The following CCDC85A variants were observed in gnomAD, a reference collection of about 807,000 sequenced individuals.
CCDC85A encodes coiled-coil domain-containing protein 85A.
In CCDC85A, 38 loss-of-function variants were observed where a neutral mutation model predicts 50.2. That is an observed-to-expected ratio of 0.76 (90% CI 0.58 to 0.99). CCDC85A has a LOEUF of 0.99. Ranked by LOEUF, CCDC85A falls within the 50% of genes least tolerant of loss-of-function variation. The pLI is 0.00. For synonymous variants in CCDC85A, 366 were observed against 301.4 expected (o/e 1.21, Z -2.22); for missense variants, 820 against 742.0 (o/e 1.11, Z -1.22).
At chr2:56,267,910 GT>G (rs1670523923) in intron 2 of CCDC85A, among the ~76,000 whole-genome samples, 1 of 152,198 alleles carries the variant, frequency 6.6e-6, no homozygotes, top group South Asian at 2.1e-4. Flanking sequence ...TTGGTGTGAA[GT>G]TTGGTAGGCT....
chr2:56,250,784 A>T (rs1669719062), intron 2 of CCDC85A, among the ~76,000 whole-genome samples: 1 of 152,194 alleles, frequency 6.6e-6, no homozygotes, highest in Non-Finnish European at 1.5e-5. Flanking sequence ...ATCATTTGTC[A>T]TTGCTAGAGT....
At chr2:56,226,540 A>G (rs1039622344) in intron 2 of CCDC85A, among the ~76,000 whole-genome samples, 2 of 151,912 alleles carry the variant, frequency 1.3e-5, no homozygotes, top group Non-Finnish European at 2.9e-5. Flanking sequence ...CCTCCTTTCA[A>G]CTAAAACTGC....
At chr2:56,244,365 G>A (rs150690166) in intron 2 of CCDC85A, among the ~76,000 whole-genome samples, 12 of 152,156 alleles carry the variant, frequency 7.9e-5, no homozygotes, top group Non-Finnish European at 1.5e-4. Flanking sequence ...CCCGTGGGAA[G>A]TACTGCCAGG....
chr2:56,320,278 T>C (rs1029195865), intron 2 of CCDC85A, among the ~76,000 whole-genome samples: 3 of 151,880 alleles, frequency 2.0e-5, no homozygotes, highest in Non-Finnish European at 4.4e-5. Flanking sequence ...AGGCAAGACA[T>C]AACTAAGATC....
chr2:56,298,236 A>G (rs112546332), intron 2 of CCDC85A, among the ~76,000 whole-genome samples: 9 of 152,310 alleles, frequency 5.9e-5, no homozygotes, highest in African/African-American at 1.9e-4. Context: ...AATGCGCGGG[A>G]CTGAAATGAT....
At chr2:56,308,730 A>G (rs1029050058) in intron 2 of CCDC85A, among the ~76,000 whole-genome samples, 2 of 152,192 alleles carry the variant, frequency 1.3e-5, no homozygotes, top group African/African-American at 2.4e-5. Flanking sequence ...ATATGTATTG[A>G]AAGTCCACCT....
rs371995268 is a variant in CCDC85A at position 56,375,710 on chromosome 2, C to A, written c.1453-106C>A. On this transcript the variant is annotated intron_variant, in intron 4 of 5. Transcript: ENST00000407595. ...TGTAGACTAGGTTAGGAAAAAGTAACAAAATGGCTAATTCTCATTTGGTAG... is the reference window on the plus strand; with the variant it reads ...TGTAGACTAGGTTAGGAAAAAGTAAAAAAATGGCTAATTCTCATTTGGTAG... The A allele has an allele frequency of 1.9e-4, 235 of 1,226,358 alleles. 5 individuals are homozygous for A. In the East Asian group the frequency reaches 2.3e-3, roughly 12 times the overall value. The allele number at this position is 1,226,358 out of a possible 1,614,324, so 76.0% of individuals were successfully genotyped here.
intron 1 of CCDC85A, among the ~76,000 whole-genome samples, chr2:56,188,025 T>C (rs1676128135): frequency 6.6e-6 from 1 of 152,242 alleles, no homozygotes; most frequent in African/African-American, 2.4e-5. Context: ...TATTTAACTG[T>C]AGATACAGTA....
intron 2 of CCDC85A, among the ~76,000 whole-genome samples, chr2:56,269,465 T>C (rs1196360954): frequency 6.6e-6 from 1 of 152,118 alleles, no homozygotes; most frequent in African/African-American, 2.4e-5. Context: ...TGTGAAAACA[T>C]TGCTAGGGCT....
intron 2 of CCDC85A, among the ~76,000 whole-genome samples, chr2:56,287,325 TC>T (rs1257027419): frequency 6.6e-6 from 1 of 152,198 alleles, no homozygotes; most frequent in African/African-American, 2.4e-5. Context: ...AATTTGCATC[TC>T]CTCAGTTCAG....
In CCDC85A at chr2:56,372,424, C is replaced by T; in HGVS notation, c.1398C>T (p.Val466=). 1 of 1,608,964 alleles carries T rather than the reference C, an allele frequency of 6.2e-7. No individual in the cohort carries two copies. The change falls in exon 4 of 6, where the codon GTC becomes GTT. Residue 466 remains valine, a synonymous_variant. Transcript: ENST00000407595. ...GCTGGGGGTCCAGAGCCCGGCGGGT[C>T]TTGCAGTGGTGGCAAGGGTGCCGAG... ...EKGWGSRARR[V]LQWWQGCRGI...
At chr2:56,338,801 G>T (rs1674211652) in intron 2 of CCDC85A, among the ~76,000 whole-genome samples, 1 of 151,532 alleles carries the variant, frequency 6.6e-6, no homozygotes, top group South Asian at 2.1e-4. Flanking sequence ...TTTTCCTATA[G>T]GGGCTTGGGG....
chr2:56,243,850 G>C (rs946343921), intron 2 of CCDC85A, among the ~76,000 whole-genome samples: 2 of 152,132 alleles, frequency 1.3e-5, no homozygotes, highest in African/African-American at 4.8e-5. Context: ...CTGCATTAGG[G>C]GACACCCCAA....
At chr2:56,356,442 T>A (rs1675228546) in intron 3 of CCDC85A, among the ~76,000 whole-genome samples, 1 of 152,236 alleles carries the variant, frequency 6.6e-6, no homozygotes, top group Non-Finnish European at 1.5e-5. Flanking sequence ...GGTCAGATAG[T>A]TGGTGATGGC....
intron 2 of CCDC85A, among the ~76,000 whole-genome samples, chr2:56,297,076 C>G (rs1405997562): frequency 6.6e-6 from 1 of 152,042 alleles, no homozygotes; most frequent in Non-Finnish European, 1.5e-5. Context: ...GTTTTGCAAG[C>G]ACTGCTTTTT....
At chr2:56,265,879 T>G (rs1035647199) in intron 2 of CCDC85A, among the ~76,000 whole-genome samples, 1 of 152,210 alleles carries the variant, frequency 6.6e-6, no homozygotes, top group Non-Finnish European at 1.5e-5. Flanking sequence ...GTAGCTAAAA[T>G]ATGGAATCAA....
intron 1 of CCDC85A, among the ~76,000 whole-genome samples, chr2:56,189,253 A>C (rs188361825): frequency 6.7e-6 from 1 of 148,946 alleles, no homozygotes; most frequent in African/African-American, 2.5e-5. Flanking sequence ...GGTGATGGGG[A>C]TTGATAAACA....
intron 2 of CCDC85A, among the ~76,000 whole-genome samples, chr2:56,257,813 C>T (rs1670050084): frequency 1.3e-5 from 2 of 152,114 alleles, no homozygotes; most frequent in Admixed American, 1.3e-4. Flanking sequence ...GAGAGGCCCT[C>T]TCTGAACCTG....
At chr2:56,211,389 T>C (rs1366275059) in intron 2 of CCDC85A, among the ~76,000 whole-genome samples, 1 of 152,072 alleles carries the variant, frequency 6.6e-6, no homozygotes, top group African/African-American at 2.4e-5. Flanking sequence ...TTCTTGGTTA[T>C]GTGCATTTCC....
Sources: allele counts gnomAD v4.1 joint callset (sites outside exome capture counted in the v4.1 genomes callset), GRCh38; gene constraint gnomAD v4.1.1; transcripts MANE v1.5; gene names NCBI Gene and HGNC (gene_info 2026-07-23, HGNC 2026-07-21).